TTC7A: variants seen among roughly 807,000 people sequenced by gnomAD.
TTC7A encodes the protein tetratricopeptide repeat protein 7A.
TTC7A carries 110 observed loss-of-function variants against 103.7 expected under a neutral mutation model. The ratio of observed to expected loss-of-function variants is 1.06; its 90% CI spans 0.91 to 1.24. TTC7A has a LOEUF of 1.24. Ranked by LOEUF, TTC7A falls within the 50% of genes most tolerant of loss-of-function variation. The probability of loss-of-function intolerance (pLI) is 0.00; values close to 1 mark genes in which losing one functional copy is unlikely to be tolerated. For missense variants in TTC7A, 1,340 were observed against 1,116.3 expected, an observed-to-expected ratio of 1.20 and a Z score of -2.86; for synonymous variants, 521 against 467.9, an observed-to-expected ratio of 1.11 and a Z score of -1.47.
chr2:46,980,714 T>C (rs1424720155), intron 5 of TTC7A, among the ~76,000 whole-genome samples: 1 of 152,094 alleles, frequency 6.6e-6, no homozygotes, highest in East Asian at 1.9e-4. Flanking sequence ...CTCAGTCCCA[T>C]GAAAGACTGC....
intron 11 of TTC7A, among the ~76,000 whole-genome samples, chr2:47,017,183 A>C (rs1469082451): frequency 1.8e-5 from 2 of 109,756 alleles, no homozygotes; most frequent in Non-Finnish European, 3.9e-5. Flanking sequence ...CTGGGCAACA[A>C]GAGCGACACT....
chr2:46,939,573 C>G (rs1328335186), upstream of TTC7A, among the ~76,000 whole-genome samples: 1 of 152,194 alleles, frequency 6.6e-6, no homozygotes, highest in African/African-American at 2.4e-5. Context: ...AGGTGCTCTA[C>G]AACCTGGGGG....
intron 16 of TTC7A, chr2:47,046,862 G>C (rs1402923326): frequency 4.3e-6 from 1 of 233,606 alleles, no homozygotes; most frequent in African/African-American, 2.3e-5. Context: ...CTTGAACTTG[G>C]GTCTCCTGAG....
At chr2:46,935,290 A>C (rs1362094457) in intron 2 of TTC7A, among the ~76,000 whole-genome samples, 1 of 152,160 alleles carries the variant, frequency 6.6e-6, no homozygotes, top group Non-Finnish European at 1.5e-5. Context: ...TCCTGAGCCC[A>C]GGAGTTCAAG....
chr2:47,072,923 A>G, intron 19 of TTC7A, among the ~76,000 whole-genome samples: 1 of 152,096 alleles, frequency 6.6e-6, no homozygotes, highest in East Asian at 1.9e-4. Flanking sequence ...GCCTCTTCTT[A>G]TGACTATTCC....
intron 14 of TTC7A, among the ~76,000 whole-genome samples, chr2:47,026,141 C>T (rs1572950600): frequency 6.6e-6 from 1 of 152,170 alleles, no homozygotes; most frequent in African/African-American, 2.4e-5. Flanking sequence ...CGAGAACTCC[C>T]TGAATGGACT....
upstream of TTC7A, among the ~76,000 whole-genome samples, chr2:46,938,944 G>C (rs897648514): frequency 4.6e-5 from 7 of 151,646 alleles, no homozygotes; most frequent in African/African-American, 1.7e-4. Context: ...CTGGGAGGCG[G>C]AGGTTGTTGT....
chr2:46,986,860 G>A (rs1025353184), intron 5 of TTC7A, among the ~76,000 whole-genome samples: 4 of 152,202 alleles, frequency 2.6e-5, no homozygotes, highest in South Asian at 4.1e-4. Flanking sequence ...GGTGGGTGGC[G>A]ATTGCTGGAC....
intron 8 of TTC7A, among the ~76,000 whole-genome samples, chr2:47,000,723 T>A (rs1364552552): frequency 1.3e-5 from 2 of 152,138 alleles, no homozygotes; most frequent in African/African-American, 4.8e-5. Context: ...TGGGGTAGTT[T>A]TGCGGGGGCT....
Position 46,975,134 on chromosome 2 carries a change from T to A in TTC7A, c.648+31T>A, listed in dbSNP as rs199838663. 4.3e-6 allele frequency: 7 copies of A among 1,610,884 alleles called. No homozygotes were observed. In the African/African-American group the frequency reaches 9.3e-5, roughly 21 times the overall value. The stretch of plus-strand genomic sequence containing the variant: ...CTGGAAATAACACCGTGGTAGGAGC[T>A]GCTCTCTATTGAGCACCTATGTCTA... On this transcript the variant is annotated intron_variant, in intron 4 of 19. Coordinates refer to ENST00000319190, the MANE Select transcript of TTC7A (RefSeq NM_020458.4).
At chr2:46,992,497 C>A (rs1449678784) in intron 5 of TTC7A, among the ~76,000 whole-genome samples, 1 of 152,172 alleles carries the variant, frequency 6.6e-6, no homozygotes, top group African/African-American at 2.4e-5. Context: ...TAGGGGACTG[C>A]GGTCATTCAG....
Position 46,955,927 on chromosome 2 carries a change from G to T in TTC7A, c.349-912G>T, listed in dbSNP as rs574913564. ...GGCCCATAGGCATTGTGAGCCAGCT[G>T]AGGACAGGATCAGAGGCAGGGGGCC... is the stretch of plus-strand genomic sequence containing the variant. On this transcript the variant is annotated intron_variant, in intron 2 of 19. Transcript: ENST00000319190. Among the ~76,000 whole-genome samples, 6 of 152,340 alleles carry T rather than the reference G, an allele frequency of 3.9e-5. No individual in the cohort carries two copies. The South Asian group carries it at 1.2e-3, about 32-fold the overall frequency.
chr2:46,930,250 T>G (rs1669621455), intron 2 of TTC7A, among the ~76,000 whole-genome samples: 1 of 151,940 alleles, frequency 6.6e-6, no homozygotes, highest in African/African-American at 2.4e-5. Context: ...GTAATAAAAT[T>G]TATAAATCCC....
chr2:47,016,682 G>C (rs1453520943), intron 11 of TTC7A, among the ~76,000 whole-genome samples: 1 of 152,214 alleles, frequency 6.6e-6, no homozygotes, highest in African/African-American at 2.4e-5. Context: ...ACCTGAGCTT[G>C]CTGCAGAAGC....
intron 2 of TTC7A, among the ~76,000 whole-genome samples, chr2:46,918,223 C>G (rs1394177968): frequency 6.6e-6 from 1 of 152,218 alleles, no homozygotes. Flanking sequence ...GTAAATGTCA[C>G]TGGTACTCAT....
At chr2:46,922,056 A>G (rs758306879) in intron 2 of TTC7A, among the ~76,000 whole-genome samples, 1 of 152,178 alleles carries the variant, frequency 6.6e-6, no homozygotes, top group African/African-American at 2.4e-5. Context: ...TTGGTTTTAT[A>G]TTTGAGTGGA....
At chr2:47,020,675 C>T (rs899074007) in intron 11 of TTC7A, among the ~76,000 whole-genome samples, 3 of 152,258 alleles carry the variant, frequency 2.0e-5, no homozygotes, top group South Asian at 2.1e-4. Flanking sequence ...GCAGCTTTCT[C>T]GGCTTCTCTG....
upstream of TTC7A, among the ~76,000 whole-genome samples, chr2:46,937,385 GA>G (rs914456715): frequency 2.7e-5 from 4 of 148,668 alleles, no homozygotes; most frequent in South Asian, 2.1e-4. This position sits in a 1 kb window ranked among gnomAD's most constrained non-coding sequence, Gnocchi z 4.0. Flanking sequence ...CTTCAGAATA[GA>G]AAAAAAAAAT....
At chr2:46,989,642 A>G (rs1529774) in intron 5 of TTC7A, among the ~76,000 whole-genome samples, 104,938 of 150,342 alleles carry the variant, frequency 0.7, 36,752 homozygotes, top group East Asian at 0.75. Flanking sequence ...TTCTTGAAGG[A>G]CATTCAATAA....
Sources: allele counts gnomAD v4.1 joint callset (sites outside exome capture counted in the v4.1 genomes callset), GRCh38; gene constraint gnomAD v4.1.1; non-coding constraint Gnocchi (gnomAD v3.1); transcripts MANE v1.5; gene names NCBI Gene and HGNC (gene_info 2026-07-23, HGNC 2026-07-21).